Variants in PDE4D observed in about 807,000 individuals in gnomAD.
PDE4D encodes 3',5'-cyclic-AMP phosphodiesterase 4D.
A neutral mutation model predicts 87.4 loss-of-function variants in PDE4D; 24 were observed. The observed-to-expected ratio is 0.27, with a 90% CI of 0.20 to 0.39. The LOEUF (loss-of-function observed/expected upper bound fraction) is 0.39. PDE4D is among the 10% of genes least tolerant of loss of function. The probability of loss-of-function intolerance (pLI) is 1.00; values close to 1 mark genes in which losing one functional copy is unlikely to be tolerated. For synonymous variants in PDE4D, 384 were observed against 383.2 expected (o/e 1.00, Z -0.02); for missense variants, 714 against 1,041.0 (o/e 0.69, Z 4.32).
chr5:60,151,849 A>G (rs1215618800), intron 2 of PDE4D, among the ~76,000 whole-genome samples: 1 of 152,212 alleles, frequency 6.6e-6, no homozygotes. Flanking sequence ...TCAGCTTTTC[A>G]TCACTGAGTA....
chr5:59,276,089 G>A lies in PDE4D; in HGVS notation c.456-60121C>T, dbSNP rs13328226. On this transcript the variant is annotated intron_variant, in intron 1 of 14. Transcript: ENST00000340635. ...AAGGGCTGTATGACGTCTGTAAGAAGGCAGTTCAAAACACCGCAGGGCAGT... is the reference window on the plus strand; with the variant it reads ...AAGGGCTGTATGACGTCTGTAAGAAAGCAGTTCAAAACACCGCAGGGCAGT... The A allele has an allele frequency of 0.12, 112,954 of 965,180 alleles. 6,898 individuals carry two copies. The highest frequency in any genetic ancestry group is 0.13 in the Non-Finnish European group (102,920 of 818,348). 59.8% of individuals were successfully genotyped at this position (965,180 alleles called of 1,614,324 possible). A position where few individuals can be genotyped will look rare whatever the true frequency, so the allele number is the denominator to read the frequency against.
chr5:60,396,532 T>C (rs1762894741), intron 1 of PDE4D, among the ~76,000 whole-genome samples: 1 of 152,186 alleles, frequency 6.6e-6, no homozygotes, highest in African/African-American at 2.4e-5. Context: ...TTTCTCTTTT[T>C]AGAGACAGGG....
chr5:59,513,176 A>T (rs986441044), intron 1 of PDE4D, among the ~76,000 whole-genome samples: 2 of 152,146 alleles, frequency 1.3e-5, no homozygotes, highest in Non-Finnish European at 2.9e-5. Context: ...TTATTAATAC[A>T]TTTGTTTTTT....
At chr5:59,053,709 A>G (rs1200086154) in intron 5 of PDE4D, among the ~76,000 whole-genome samples, 1 of 130,664 alleles carries the variant, frequency 7.7e-6, no homozygotes, top group African/African-American at 2.9e-5. Context: ...TAATCCCAGC[A>G]CTTTGGGAAG....
chr5:59,401,456 C>CTATG (rs1790610644), intron 1 of PDE4D, among the ~76,000 whole-genome samples: 4 of 135,306 alleles, frequency 3.0e-5, no homozygotes, highest in African/African-American at 5.8e-5. Context: ...ATCTATCTAT[C>CTATG]TATCTATCTA....
intron 1 of PDE4D, among the ~76,000 whole-genome samples, chr5:60,335,947 T>C (rs1034582293): frequency 1.3e-4 from 20 of 152,212 alleles, no homozygotes; most frequent in African/African-American, 3.9e-4. Context: ...TGTGTCCCTT[T>C]ACTGATATTA....
chr5:59,681,388 C>T (rs556300460), intron 1 of PDE4D, among the ~76,000 whole-genome samples: 1 of 152,126 alleles, frequency 6.6e-6, no homozygotes, highest in Admixed American at 6.5e-5. Flanking sequence ...TAATAGAAAG[C>T]CAACTAATAA....
upstream of PDE4D, chr5:60,489,699 C>A (rs985128524): frequency 1.3e-5 from 2 of 152,164 alleles, no homozygotes; most frequent in South Asian, 4.1e-4. Flanking sequence ...ATGGAAACTT[C>A]TAAGGAAGCC....
rs368761422 is a variant in PDE4D, at chr5:60,480,510, AG to A, written c.-90+7431del. ...CATGAAGATTAATTAGTTTGTCCAGAGTAACTCAGGTACTAAGTGGCAGAGC... is the reference window on the plus strand; with the variant it reads ...CATGAAGATTAATTAGTTTGTCCAGATAACTCAGGTACTAAGTGGCAGAGC... On this transcript the variant is annotated intron_variant, in intron 1 of 16. Transcript: ENST00000502484. Among the ~76,000 whole-genome samples, 15 of 152,292 alleles carry A rather than the reference AG, an allele frequency of 9.8e-5. 1 individual carries two copies. The East Asian group carries it at 2.7e-3, about 27-fold the overall frequency.
chr5:60,481,554 A>G (rs1015217142), intron 1 of PDE4D, among the ~76,000 whole-genome samples: 4 of 152,160 alleles, frequency 2.6e-5, no homozygotes, highest in African/African-American at 9.6e-5. Context: ...TTCCCCAATA[A>G]GAAGTTAGCA....
chr5:60,164,818 G>C lies in PDE4D; in HGVS notation c.42+20739C>G, dbSNP rs953564371. On this transcript the variant is annotated intron_variant, in intron 2 of 16. Coordinates refer to the PDE4D transcript ENST00000502484. ...TTTATCAAATACAAAATGATGTTTT[G>C]AAGTATTCTACATTGTGGAATAGTT... Among the ~76,000 whole-genome samples the C allele has an allele frequency of 9.2e-5, 14 of 152,176 alleles. No homozygotes were observed. The South Asian group carries it at 1.9e-3, about 20-fold the overall frequency.
intron 5 of PDE4D, among the ~76,000 whole-genome samples, chr5:59,172,067 TAATAAATATATA>T (rs1782983733): frequency 4.7e-4 from 4 of 8,448 alleles, no homozygotes; most frequent in Non-Finnish European, 2.2e-4. Flanking sequence ...ATTATATATA[TAATAAATATATA>T]TTATATATAT....
At chr5:59,175,372 G>A (rs1048293545) in intron 5 of PDE4D, among the ~76,000 whole-genome samples, 5 of 151,372 alleles carry the variant, frequency 3.3e-5, no homozygotes, top group African/African-American at 1.2e-4. Context: ...TTTTAAATTA[G>A]CTTTAGGAAC....
chr5:59,769,192 T>C (rs1396632513), intron 1 of PDE4D, among the ~76,000 whole-genome samples: 1 of 152,082 alleles, frequency 6.6e-6, no homozygotes, highest in Non-Finnish European at 1.5e-5. Context: ...GAGAATGAAA[T>C]TGACTTTTTC....
chr5:60,471,938 T>C (rs1382843721), intron 1 of PDE4D, among the ~76,000 whole-genome samples: 1 of 152,032 alleles, frequency 6.6e-6, no homozygotes, highest in Non-Finnish European at 1.5e-5. Context: ...GCCTATTAGG[T>C]ATCCCCATGT....
At chr5:59,039,130 C>T (rs1284241892) in intron 5 of PDE4D, 159 bp from the exon 6 acceptor site, 3 of 1,368,496 alleles carry the variant, frequency 2.2e-6, no homozygotes, top group African/African-American at 1.5e-5. Flanking sequence ...GGCAGTGCAA[C>T]GGGGGCGGAG....
chr5:59,376,459 T>A (rs933409853), intron 1 of PDE4D, among the ~76,000 whole-genome samples: 1 of 151,924 alleles, frequency 6.6e-6, no homozygotes, highest in East Asian at 1.9e-4. Context: ...ATAAAATACC[T>A]AGGAATACAG....
At chr5:59,039,398 G>C (rs938872011) in intron 5 of PDE4D, 14 of 1,008,200 alleles carry the variant, frequency 1.4e-5, no homozygotes, top group Admixed American at 6.0e-5. Flanking sequence ...GTCCACAGCC[G>C]GATCTCCTCG....
chr5:59,310,483 G>A (rs1374247597), intron 1 of PDE4D, among the ~76,000 whole-genome samples: 1 of 151,984 alleles, frequency 6.6e-6, no homozygotes, highest in Non-Finnish European at 1.5e-5. Context: ...GTCTCCATAG[G>A]GCATCTGTAT....
Sources: allele counts gnomAD v4.1 joint callset (sites outside exome capture counted in the v4.1 genomes callset), GRCh38; gene constraint gnomAD v4.1.1; transcripts MANE v1.5; gene names NCBI Gene and HGNC (gene_info 2026-07-23, HGNC 2026-07-21).